LRP2: variants seen among roughly 807,000 people sequenced by gnomAD.
LRP2 encodes LDL receptor related protein 2.
A neutral mutation model predicts 531.0 loss-of-function variants in LRP2; 172 were observed. The observed-to-expected ratio is 0.32, with a 90% confidence interval of 0.29 to 0.37. The LOEUF is 0.37. Among genes scored for constraint, LRP2 ranks in the 10% least tolerant of loss-of-function variants. The pLI is 1.00. For synonymous variants in LRP2, 1,992 were observed against 2,027.6 expected, an observed-to-expected ratio of 0.98 and a Z score of 0.47; for missense variants, 5,167 against 5,868.3, an observed-to-expected ratio of 0.88 and a Z score of 3.90.
chr2:169,139,999 C>A (rs1394821619), intron 72 of LRP2, among the ~76,000 whole-genome samples: 1 of 152,222 alleles, frequency 6.6e-6, no homozygotes, highest in Non-Finnish European at 1.5e-5. Flanking sequence ...GTTTTCGCAA[C>A]ACAGTCATCT....
At position 169,173,226 on chromosome 2, in the gene LRP2, T is replaced by C; in HGVS notation, c.11015-2A>G. 6.2e-7 allele frequency: 1 copy of C among 1,614,078 alleles called. No homozygotes were observed. The highest frequency in any genetic ancestry group is 8.5e-7 in the Non-Finnish European group (1 of 1,180,014). On this transcript the variant is annotated splice_acceptor_variant, in intron 56 of 78. Transcript: ENST00000649046. LOFTEE classifies it high-confidence loss of function. The stretch of plus-strand genomic sequence containing the variant: ...TGTCACAGAGATGGGCAGAGCTCAC[T>C]GAAAAGGGAGGAGGCATCAAAGTCA...
chr2:169,275,153 T>C lies in LRP2; in HGVS notation c.1858A>G (p.Thr620Ala), dbSNP rs1683518436. 3.7e-6 allele frequency: 6 copies of C among 1,613,668 alleles called. No homozygotes were observed. Among genetic ancestry groups the C allele is most frequent in the African/African-American group, 1.3e-5 (1 of 74,888 alleles). Residue 620 changes from threonine to alanine, a missense_variant, in exon 14 of 79, where the codon ACA becomes GCA. Thr to Ala is a moderately conservative substitution (Grantham distance 58). Transcript: ENST00000649046. Reference protein sequence around the residue: ...FEGQVFFTDWTKMAVLKANKF... With the variant: ...FEGQVFFTDWAKMAVLKANKF... ...TTTGCCTTCAGCACGGCCATCTTTG[T>C]CCAATCTGTAAAGAACACCTGACCT...
intron 1 of LRP2, among the ~76,000 whole-genome samples, chr2:169,359,613 A>G (rs1686089877): frequency 6.6e-6 from 1 of 152,182 alleles, no homozygotes; most frequent in South Asian, 2.1e-4. Flanking sequence ...CAGGCAGAGG[A>G]CATTCAGAGG....
chr2:169,223,927 T>C (rs1372998251), intron 33 of LRP2, among the ~76,000 whole-genome samples: 1 of 152,228 alleles, frequency 6.6e-6, no homozygotes, highest in Non-Finnish European at 1.5e-5. Flanking sequence ...ACTCAAGCGC[T>C]GTTCCAGTGA....
chr2:169,181,908 T>A (rs1687451839), intron 51 of LRP2, among the ~76,000 whole-genome samples: 1 of 152,156 alleles, frequency 6.6e-6, no homozygotes, highest in Admixed American at 6.5e-5. Flanking sequence ...GAAACCACAG[T>A]TTTCTTTGCA....
chr2:169,160,204 T>C (rs1196652013), intron 63 of LRP2, among the ~76,000 whole-genome samples: 1 of 152,198 alleles, frequency 6.6e-6, no homozygotes, highest in East Asian at 1.9e-4. Flanking sequence ...TATACCTGAA[T>C]GGTGCTAGAA....
At chr2:169,239,947 C>G (rs2105381707) in intron 25 of LRP2, among the ~76,000 whole-genome samples, 172 bp from the exon 26 acceptor site, 1 of 152,278 alleles carries the variant, frequency 6.6e-6, no homozygotes, top group Non-Finnish European at 1.5e-5. Flanking sequence ...TCAGGGTTTG[C>G]TCTAATTTGT....
Position 169,236,029 on chromosome 2 carries a change from A to G in LRP2, c.4731T>C (p.Pro1577=), listed in dbSNP as rs1229861862. The G allele has an allele frequency of 6.2e-7, 1 of 1,614,152 alleles. No individual in the cohort carries two copies. Among genetic ancestry groups the G allele is most frequent in the East Asian group, 2.2e-5 (1 of 44,864 alleles). Residue 1577 remains proline (P), a synonymous_variant, in exon 29 of 79, where the codon CCT becomes CCC. Transcript: ENST00000649046. ...CGTCCATGCTGGCTCGCTCGATGCG[A>G]GGGTGGTGGCCCCAGTCAGACCAGA... The part of the protein sequence containing the change: ...LLFWSDWGHH[P]RIERASMDGS...
intron 49 of LRP2, 124 bp from the exon 50 acceptor site, chr2:169,186,143 C>A: frequency 1.3e-6 from 1 of 777,956 alleles, no homozygotes; most frequent in South Asian, 1.7e-5. Flanking sequence ...AGACAGACAA[C>A]AAAGACTTCC....
At chr2:169,140,163 A>G (rs548312475) in intron 72 of LRP2, among the ~76,000 whole-genome samples, 7 of 152,186 alleles carry the variant, frequency 4.6e-5, no homozygotes, top group Non-Finnish European at 1.0e-4. Context: ...CTTGCTCCCC[A>G]AAGTGTGGTC....
intron 16 of LRP2, among the ~76,000 whole-genome samples, chr2:169,266,334 G>A (rs1690798259): frequency 6.6e-6 from 1 of 151,922 alleles, no homozygotes; most frequent in Admixed American, 6.6e-5. Context: ...AGAAGAAATA[G>A]TCAAAAGAGC....
chr2:169,255,427 G>A (rs538754571), intron 19 of LRP2, among the ~76,000 whole-genome samples: 1 of 152,142 alleles, frequency 6.6e-6, no homozygotes, highest in African/African-American at 2.4e-5. Flanking sequence ...TGAGAAGACA[G>A]GCAAGCACTG....
In LRP2 at chr2:169,246,881, C is replaced by T. The variant is rs201973178; in HGVS notation, c.3014G>A (p.Arg1005Lys). 6.2e-7 allele frequency: 1 copy of T among 1,614,170 alleles called. No homozygotes were observed. The highest frequency in any genetic ancestry group is 2.2e-5 in the East Asian group (1 of 44,880). The change falls in exon 21 of 79, where the codon AGG (arginine) becomes AAG (lysine). Residue 1005 changes from arginine (R) to lysine (K), a missense_variant. Physicochemically the swap from Arg to Lys is conservative, Grantham distance 26. This residue lies in a region of LRP2 where 2,811 missense variants were observed against 3,058.0 expected (regional missense o/e 0.92). Transcript: ENST00000649046. The stretch of plus-strand genomic sequence containing the variant: ...GCATGTCAAGTGATTGGAAGCCAGC[C>T]TCATTCCATAAGGGCACCCACACAC... ...QRVCGCPYGM[R>K]LASNHLTCEG...
intron 13 of LRP2, among the ~76,000 whole-genome samples, chr2:169,276,476 T>C (rs1683557179): frequency 2.0e-5 from 3 of 152,188 alleles, no homozygotes; most frequent in African/African-American, 7.2e-5. Flanking sequence ...TTCACAATTA[T>C]TTTATGTGAC....
intron 1 of LRP2, among the ~76,000 whole-genome samples, chr2:169,338,377 A>AAAG (rs1553515997): frequency 1.6e-5 from 2 of 124,718 alleles, no homozygotes; most frequent in African/African-American, 6.5e-5. Context: ...AGAAAGAAAG[A>AAAG]AAGAAAGAAA....
At chr2:169,131,767 A>G (rs1052039702) in intron 77 of LRP2, among the ~76,000 whole-genome samples, 8 of 152,226 alleles carry the variant, frequency 5.3e-5, no homozygotes, top group African/African-American at 1.4e-4. Flanking sequence ...CAATATGCCA[A>G]TAGCGCCCCC....
intron 7 of LRP2, among the ~76,000 whole-genome samples, 185 bp from the exon 8 acceptor site, chr2:169,291,182 G>A (rs1683989812): frequency 6.6e-6 from 1 of 152,176 alleles, no homozygotes; most frequent in Non-Finnish European, 1.5e-5. Flanking sequence ...CTAAGGAGAG[G>A]CATAATGGAA....
Position 169,194,508 on chromosome 2 carries a change from A to C in LRP2, c.8699-616T>G, listed in dbSNP as rs534383381. 2.0e-4 allele frequency among the ~76,000 whole-genome samples: 31 copies of C among 152,256 alleles called. No homozygotes were observed. In the East Asian group the frequency reaches 5.6e-3, roughly 27 times the overall value. ...ACTCTTCTACTTCAAATTAGCCATC[A>C]CTGATTCAGATGCTCTAACCCTAAC... On this transcript the variant is annotated intron_variant, in intron 46 of 78. Transcript: ENST00000649046.
chr2:169,318,916 C>T (rs753081514), intron 2 of LRP2, 32 bp from the exon 3 acceptor site: 2 of 1,613,526 alleles, frequency 1.2e-6, no homozygotes, highest in Non-Finnish European at 1.7e-6. Flanking sequence ...CTCATTATGG[C>T]AATCATCCTC....
Sources: allele counts gnomAD v4.1 joint callset (sites outside exome capture counted in the v4.1 genomes callset), GRCh38; gene constraint gnomAD v4.1.1; regional missense constraint gnomAD v4.1.1; transcripts MANE v1.5; gene names NCBI Gene and HGNC (gene_info 2026-07-23, HGNC 2026-07-21).